The following COMMD10 variants were observed in gnomAD, a reference collection of about 807,000 sequenced individuals.
COMMD10 encodes COMM domain containing 10, also known as COMM domain-containing protein 10.
A neutral mutation model predicts 28.9 loss-of-function variants in COMMD10; 33 were observed. The observed-to-expected ratio is 1.14, with a 90% CI of 0.87 to 1.53. COMMD10 has a LOEUF of 1.53. Among genes scored for constraint, COMMD10 ranks in the 40% most tolerant of loss-of-function variants. The probability of loss-of-function intolerance (pLI) is 0.00; values close to 1 mark genes in which losing one functional copy is unlikely to be tolerated. For synonymous variants in COMMD10, 110 were observed against 81.7 expected, an observed-to-expected ratio of 1.35 and a Z score of -1.87; for missense variants, 310 against 233.4, an observed-to-expected ratio of 1.33 and a Z score of -2.14.
Position 116,104,692 on chromosome 5 carries a change from T to G in COMMD10, c.399+11992T>G, listed in dbSNP as rs1359916519. 2.0e-5 allele frequency among the ~76,000 whole-genome samples: 3 copies of G among 152,164 alleles called. No homozygotes were observed. The East Asian group carries it at 5.8e-4, about 29-fold the overall frequency. On this transcript the variant is annotated intron_variant, in intron 4 of 6. Transcript: ENST00000274458. The stretch of plus-strand genomic sequence containing the variant: ...TGGAGTGCAGTGGCACGATGTCGGC[T>G]CACTGTAAGCTCCTCCTCCCGAGTT...
At chr5:116,197,469 C>T (rs1002559403) in intron 5 of COMMD10, among the ~76,000 whole-genome samples, 8 of 152,062 alleles carry the variant, frequency 5.3e-5, no homozygotes, top group African/African-American at 1.9e-4. Flanking sequence ...GCAACCTCTA[C>T]CTCCTGGGCT....
intron 5 of COMMD10, among the ~76,000 whole-genome samples, chr5:116,274,865 C>T (rs1455291308): frequency 1.3e-5 from 2 of 151,796 alleles, no homozygotes; most frequent in Non-Finnish European, 2.9e-5. Flanking sequence ...TACTATAGCT[C>T]TAATTTCTGT....
chr5:116,242,261 A>G lies in COMMD10; in HGVS notation c.511-49256A>G, dbSNP rs2112664230. 2.0e-5 allele frequency among the ~76,000 whole-genome samples: 3 copies of G among 152,336 alleles called. 1 individual carries two copies. The South Asian group carries it at 6.2e-4, about 32-fold the overall frequency. On this transcript the variant is annotated intron_variant, in intron 5 of 6. Coordinates refer to ENST00000274458, the MANE Select transcript of COMMD10 (RefSeq NM_016144.4). ...AGTTTTGAAAGTTTTGTTAAGGTATATAAATGCATATCTGTTGCCTATTAG... is the reference window on the plus strand; with the variant it reads ...AGTTTTGAAAGTTTTGTTAAGGTATGTAAATGCATATCTGTTGCCTATTAG...
intron 5 of COMMD10, among the ~76,000 whole-genome samples, chr5:116,274,665 G>A (rs1055098717): frequency 2.6e-5 from 4 of 151,728 alleles, no homozygotes; most frequent in Non-Finnish European, 5.9e-5. Context: ...ACCAGTCCTT[G>A]TCTCATTTGG....
intron 2 of COMMD10, among the ~76,000 whole-genome samples, chr5:116,087,986 G>C (rs950411618): frequency 2.0e-5 from 3 of 152,216 alleles, no homozygotes; most frequent in Admixed American, 1.3e-4. Context: ...AAATAATTCT[G>C]TGGTATTTTC....
At chr5:116,206,341 C>T (rs1385424965) in intron 5 of COMMD10, among the ~76,000 whole-genome samples, 1 of 152,062 alleles carries the variant, frequency 6.6e-6, no homozygotes, top group African/African-American at 2.4e-5. Flanking sequence ...ATTTCTAGCA[C>T]TGGAAAAGCA....
chr5:116,184,878 T>C (rs1323307530), intron 5 of COMMD10, among the ~76,000 whole-genome samples: 1 of 152,110 alleles, frequency 6.6e-6, no homozygotes, highest in Non-Finnish European at 1.5e-5. Flanking sequence ...GGCTTTTAAA[T>C]CAGCTTTGAA....
chr5:116,129,912 TATTC>T (rs1177351900), intron 4 of COMMD10, among the ~76,000 whole-genome samples: 5 of 150,526 alleles, frequency 3.3e-5, no homozygotes, highest in African/African-American at 1.2e-4. Context: ...CTATATTTTC[TATTC>T]ATTTAAGCTT....
intron 4 of COMMD10, among the ~76,000 whole-genome samples, chr5:116,116,369 G>A (rs1187843249): frequency 2.1e-4 from 32 of 152,066 alleles, no homozygotes; most frequent in Admixed American, 2.1e-3. Context: ...ATGGTCGAAT[G>A]GCTTTGTCCT....
chr5:116,119,658 G>T (rs1156942719), intron 4 of COMMD10, among the ~76,000 whole-genome samples: 2 of 152,090 alleles, frequency 1.3e-5, no homozygotes, highest in African/African-American at 2.4e-5. Context: ...GCTGAAGTGT[G>T]CAGTGGCTTG....
chr5:116,096,959 C>T (rs1292926367), intron 4 of COMMD10, among the ~76,000 whole-genome samples: 1 of 151,566 alleles, frequency 6.6e-6, no homozygotes, highest in East Asian at 1.9e-4. Context: ...TATATTTTTC[C>T]TATATTTTAT....
intron 5 of COMMD10, among the ~76,000 whole-genome samples, chr5:116,195,793 A>C (rs1748501007): frequency 6.6e-6 from 1 of 152,194 alleles, no homozygotes; most frequent in Admixed American, 6.5e-5. Flanking sequence ...GACAATTCTC[A>C]AAAGAAAATA....
At chr5:116,132,533 T>G (rs1249101199) in intron 4 of COMMD10, among the ~76,000 whole-genome samples, 6 of 152,288 alleles carry the variant, frequency 3.9e-5, no homozygotes, top group Non-Finnish European at 7.4e-5. Flanking sequence ...TTTATTCACT[T>G]GATATCTCTC....
At chr5:116,103,216 AT>A (rs1197389184) in intron 4 of COMMD10, among the ~76,000 whole-genome samples, 1 of 152,148 alleles carries the variant, frequency 6.6e-6, no homozygotes, top group African/African-American at 2.4e-5. Context: ...AATGGTATTT[AT>A]AGTTCTAGAT....
chr5:116,288,704 T>G (rs1751284578), intron 5 of COMMD10, among the ~76,000 whole-genome samples: 1 of 151,690 alleles, frequency 6.6e-6, no homozygotes, highest in Non-Finnish European at 1.5e-5. Context: ...TCATTCTGCC[T>G]AAAACTGTTG....
At chr5:116,175,038 T>C (rs574190616) in intron 5 of COMMD10, among the ~76,000 whole-genome samples, 1 of 152,282 alleles carries the variant, frequency 6.6e-6, no homozygotes, top group South Asian at 2.1e-4. Context: ...GAGCTCTTTG[T>C]GATCTTTCAT....
chr5:116,158,628 C>T (rs1366635629), intron 5 of COMMD10, among the ~76,000 whole-genome samples: 9 of 151,256 alleles, frequency 6.0e-5, no homozygotes, highest in Non-Finnish European at 1.0e-4. Flanking sequence ...AGGAATGGGC[C>T]GCCATGCTTG....
chr5:116,274,451 T>C (rs1028340551), intron 5 of COMMD10, among the ~76,000 whole-genome samples: 16 of 151,706 alleles, frequency 1.1e-4, no homozygotes, highest in African/African-American at 3.6e-4. Context: ...TTACAAAAAC[T>C]GAAAGTAGGT....
At chr5:116,231,595 CTT>C (rs1313761378) in intron 5 of COMMD10, among the ~76,000 whole-genome samples, 2 of 151,986 alleles carry the variant, frequency 1.3e-5, no homozygotes, top group African/African-American at 4.8e-5. Context: ...TAATGACAAA[CTT>C]ATTATTTTCT....
Sources: gnomAD v4.1 joint callset for allele counts (sites outside exome capture counted in the v4.1 genomes callset) on GRCh38, gnomAD v4.1.1 for gene constraint, MANE v1.5 for transcripts, NCBI Gene and HGNC (gene_info 2026-07-23, HGNC 2026-07-21) for gene names.